The following SRRM3 variants were observed in gnomAD, a reference collection of about 807,000 sequenced individuals.
The protein encoded by SRRM3 is serine/arginine repetitive matrix protein 3.
A neutral mutation model predicts 66.2 loss-of-function variants in SRRM3; 27 were observed. The ratio of observed to expected loss-of-function variants is 0.41; its 90% CI spans 0.30 to 0.56. The LOEUF (loss-of-function observed/expected upper bound fraction) is 0.56, where lower values mean the gene tolerates loss of function less well. Among genes scored for constraint, SRRM3 ranks in the 20% least tolerant of loss-of-function variants. The pLI, the probability that SRRM3 is intolerant of heterozygous loss-of-function variation, is 0.32. For missense variants in SRRM3, 918 were observed against 991.9 expected (o/e 0.93, Z 1.00); for synonymous variants, 391 against 414.9 (o/e 0.94, Z 0.70).
At chr7:76,272,723 G>C (rs575075977) in intron 11 of SRRM3, among the ~76,000 whole-genome samples, 1 of 152,166 alleles carries the variant, frequency 6.6e-6, no homozygotes, top group Non-Finnish European at 1.5e-5. Context: ...CCTTAGGTGA[G>C]GGTGGCAGAG....
chr7:76,273,088 CCT>C (rs1301958413), intron 11 of SRRM3: 2 of 152,498 alleles, frequency 1.3e-5, no homozygotes, highest in Non-Finnish European at 2.9e-5. Context: ...TCTCTTCCTG[CCT>C]CTCTGTTTCT....
At chr7:76,281,400 C>A in intron 11 of SRRM3, 41 bp from the exon 12 acceptor site, 1 of 1,203,438 alleles carries the variant, frequency 8.3e-7, no homozygotes. Flanking sequence ...TCTCGTCTCC[C>A]TCTCCCCCCT....
intron 1 of SRRM3, among the ~76,000 whole-genome samples, chr7:76,212,618 G>A (rs561281947): frequency 2.6e-5 from 4 of 151,454 alleles, no homozygotes; most frequent in East Asian, 1.9e-4. Context: ...ACAGGCACCC[G>A]CCACCATGCC....
intron 3 of SRRM3, among the ~76,000 whole-genome samples, chr7:76,251,461 G>A (rs974689581): frequency 1.3e-5 from 2 of 150,728 alleles, no homozygotes; most frequent in Admixed American, 1.3e-4. Flanking sequence ...TGCAAGCTCC[G>A]CCTCCCGGGT....
intron 11 of SRRM3, among the ~76,000 whole-genome samples, chr7:76,278,044 A>G (rs1267458184): frequency 2.0e-5 from 3 of 152,166 alleles, no homozygotes; most frequent in Non-Finnish European, 4.4e-5. Context: ...AGAAGTTCTC[A>G]TTTGCCTCCT....
intron 11 of SRRM3, among the ~76,000 whole-genome samples, chr7:76,279,412 T>C (rs1204468284): frequency 6.6e-6 from 1 of 151,836 alleles, no homozygotes; most frequent in African/African-American, 2.4e-5. Context: ...GTGAATCAGA[T>C]ACCACATCTG....
Position 76,249,308 on chromosome 7 carries a change from C to T in SRRM3, c.335+1019C>T, listed in dbSNP as rs929836197. Reference sequence around the variant, plus strand: ...AGCTGAGACACGAGAATCACTTGAACCTGGAAGGCGGAGGTTGCAGTGAGC... The same window carrying T: ...AGCTGAGACACGAGAATCACTTGAATCTGGAAGGCGGAGGTTGCAGTGAGC... On this transcript the variant is annotated intron_variant, in intron 3 of 14. Coordinates refer to ENST00000611745, the MANE Select transcript of SRRM3 (RefSeq NM_001110199.3). Among the ~76,000 whole-genome samples, 5 of 151,820 alleles carry T rather than the reference C, an allele frequency of 3.3e-5. No individual in the cohort carries two copies. In the East Asian group the frequency reaches 7.8e-4, roughly 24 times the overall value.
At chr7:76,207,461 GC>G in intron 1 of SRRM3, among the ~76,000 whole-genome samples, 1 of 152,246 alleles carries the variant, frequency 6.6e-6, no homozygotes, top group Non-Finnish European at 1.5e-5. Context: ...TTCCTTGCAG[GC>G]TTTTTTCCAT....
chr7:76,259,786 C>T, intron 3 of SRRM3, 120 bp from the exon 4 acceptor site: 1 of 1,502,436 alleles, frequency 6.7e-7, no homozygotes, highest in Non-Finnish European at 9.0e-7. Flanking sequence ...ACCCCTCGCC[C>T]CTCCCCCAGC....
In SRRM3 at chr7:76,284,467, C is replaced by T. The variant is rs112561168; in HGVS notation, c.1734-1148C>T. ...TGGTGGGATTATAGGCGTGAGCCCC[C>T]GCGCCCGACCAAATTGTCCTACTTC... On this transcript the variant is annotated intron_variant, in intron 14 of 14. Transcript: ENST00000611745. Among the ~76,000 whole-genome samples the T allele has an allele frequency of 4.0e-3, 614 of 152,262 alleles. 6 individuals are homozygous for T. Among genetic ancestry groups the T allele is most frequent in the African/African-American group, 0.013 (555 of 41,548 alleles).
intron 2 of SRRM3, among the ~76,000 whole-genome samples, chr7:76,245,810 C>T (rs1278297722): frequency 6.6e-6 from 1 of 152,186 alleles, no homozygotes; most frequent in Non-Finnish European, 1.5e-5. Flanking sequence ...ATTCTCCTGC[C>T]TCGGCCTCGT....
intron 1 of SRRM3, among the ~76,000 whole-genome samples, chr7:76,229,837 A>G (rs1800969523): frequency 6.9e-6 from 1 of 145,100 alleles, no homozygotes; most frequent in Non-Finnish European, 1.5e-5. Context: ...TCTGCCTCCC[A>G]GGTTCAAGTG....
intron 1 of SRRM3, among the ~76,000 whole-genome samples, chr7:76,227,930 C>T (rs963832396): frequency 6.6e-6 from 1 of 152,102 alleles, no homozygotes; most frequent in African/African-American, 2.4e-5. Flanking sequence ...AGTGCAGTGG[C>T]GCAAACTCAG....
At chr7:76,261,318 C>T (rs1236051247) in intron 6 of SRRM3, 34 bp from the exon 7 acceptor site, 6 of 459,044 alleles carry the variant, frequency 1.3e-5, no homozygotes, top group African/African-American at 6.8e-5. Context: ...CCCCCCACCC[C>T]AGCTCACTAG....
chr7:76,217,086 A>G (rs1488458634), intron 1 of SRRM3, among the ~76,000 whole-genome samples: 11 of 152,174 alleles, frequency 7.2e-5, no homozygotes, highest in African/African-American at 2.7e-4. Context: ...TGTCCAGCAC[A>G]CACCCTTCCT....
At chr7:76,259,766 G>A (rs1164132954) in intron 3 of SRRM3, 140 bp from the exon 4 acceptor site, 1 of 1,300,444 alleles carries the variant, frequency 7.7e-7, no homozygotes, top group Non-Finnish European at 1.1e-6. Context: ...TAAGGCCAGG[G>A]GCCGCAGTTA....
chr7:76,228,352 T>C (rs1800931482), intron 1 of SRRM3, among the ~76,000 whole-genome samples: 3 of 152,256 alleles, frequency 2.0e-5, no homozygotes, highest in Middle Eastern at 3.4e-3. Context: ...CCAGTAGTAT[T>C]GGTGTTACTT....
intron 1 of SRRM3, among the ~76,000 whole-genome samples, chr7:76,204,946 A>G (rs1800258264): frequency 6.6e-6 from 1 of 152,012 alleles, no homozygotes; most frequent in African/African-American, 2.4e-5. Context: ...TCCTCTGAAC[A>G]TCGCTTCTCC....
chr7:76,268,866 A>C (rs1802138622), intron 11 of SRRM3: 1 of 152,380 alleles, frequency 6.6e-6, no homozygotes, highest in African/African-American at 2.4e-5. Flanking sequence ...AACAACCCAC[A>C]AGAGGGGCAC....
Sources: allele counts gnomAD v4.1 joint callset (sites outside exome capture counted in the v4.1 genomes callset), GRCh38; gene constraint gnomAD v4.1.1; transcripts MANE v1.5; gene names NCBI Gene and HGNC (gene_info 2026-07-23, HGNC 2026-07-21).